Variants in MACROD2 observed in about 807,000 individuals in gnomAD.
The protein encoded by MACROD2 is ADP-ribose glycohydrolase MACROD2.
A neutral mutation model predicts 70.4 loss-of-function variants in MACROD2; 36 were observed. That is an observed-to-expected ratio of 0.51 (90% CI 0.39 to 0.68). The LOEUF (loss-of-function observed/expected upper bound fraction) is 0.68. Among genes scored for constraint, MACROD2 ranks in the 30% least tolerant of loss-of-function variants. The probability of loss-of-function intolerance (pLI) is 0.00; values close to 1 mark genes in which losing one functional copy is unlikely to be tolerated. For missense variants in MACROD2, 496 were observed against 538.4 expected, an observed-to-expected ratio of 0.92 and a Z score of 0.78; for synonymous variants, 172 against 178.8, an observed-to-expected ratio of 0.96 and a Z score of 0.30.
At chr20:15,630,530 C>T (rs891935498) in intron 8 of MACROD2, among the ~76,000 whole-genome samples, 7 of 152,206 alleles carry the variant, frequency 4.6e-5, no homozygotes, top group African/African-American at 1.7e-4. Flanking sequence ...TCTAATATGT[C>T]TTTGTATTCT....
chr20:15,954,442 A>T (rs570875069), intron 12 of MACROD2, among the ~76,000 whole-genome samples: 1 of 152,130 alleles, frequency 6.6e-6, no homozygotes, highest in Non-Finnish European at 1.5e-5. Context: ...TATAACACTC[A>T]CTGCCATCTC....
intron 3 of MACROD2, among the ~76,000 whole-genome samples, chr20:14,396,791 G>A (rs1779319240): frequency 6.6e-6 from 1 of 151,398 alleles, no homozygotes; most frequent in Non-Finnish European, 1.5e-5. Context: ...TGGGCATGGT[G>A]GCGGGTGCCT....
At chr20:16,017,879 C>T (rs78142859) in intron 15 of MACROD2, among the ~76,000 whole-genome samples, 1 of 152,168 alleles carries the variant, frequency 6.6e-6, no homozygotes, top group Non-Finnish European at 1.5e-5. Context: ...CATGACAGCA[C>T]CAGCCACATG....
Position 15,622,449 on chromosome 20 carries a change from C to T in MACROD2, c.645+122602C>T, listed in dbSNP as rs554016479. Among the ~76,000 whole-genome samples the T allele has an allele frequency of 4.6e-5, 7 of 152,234 alleles. No homozygotes were observed. In the South Asian group the frequency reaches 6.2e-4, roughly 14 times the overall value. ...TTTGGAGCCATGGTGAGGTAAAATACGGGTGACTTGAACACAAGCACCATG... is the reference window on the plus strand; with the variant it reads ...TTTGGAGCCATGGTGAGGTAAAATATGGGTGACTTGAACACAAGCACCATG... On this transcript the variant is annotated intron_variant, in intron 8 of 17. Transcript: ENST00000684519.
intron 8 of MACROD2, among the ~76,000 whole-genome samples, chr20:15,635,272 G>A (rs1162630804): frequency 1.3e-5 from 2 of 152,210 alleles, no homozygotes; most frequent in African/African-American, 4.8e-5. Context: ...GACAAATTGA[G>A]GATCAGTGAG....
chr20:14,926,599 T>C (rs1381860077), intron 5 of MACROD2, among the ~76,000 whole-genome samples: 1 of 151,486 alleles, frequency 6.6e-6, no homozygotes, highest in African/African-American at 2.4e-5. Context: ...TTTTAGTATA[T>C]GAACAAGTCA....
intron 3 of MACROD2, among the ~76,000 whole-genome samples, chr20:14,182,876 A>C (rs914224703): frequency 6.6e-6 from 1 of 151,682 alleles, no homozygotes. Context: ...CCTTCTCATC[A>C]TTCACACTGC....
rs539987284 is a variant in MACROD2 at position 15,354,338 on chromosome 20, C to T, written c.541-77067C>T. Among the ~76,000 whole-genome samples the T allele has an allele frequency of 8.7e-3, 1,326 of 151,670 alleles. 9 individuals are homozygous for T. The highest frequency in any genetic ancestry group is 0.014 in the Non-Finnish European group (951 of 67,920). ...ACACAGGAAGGGGAACATCACACAC[C>T]GGGGCCTGTTGTGGGGTGGGGGTAG... On this transcript the variant is annotated intron_variant, in intron 6 of 17. Transcript: ENST00000684519.
intron 5 of MACROD2, among the ~76,000 whole-genome samples, chr20:15,135,145 G>A (rs1371057226): frequency 1.1e-4 from 16 of 151,758 alleles, no homozygotes; most frequent in African/African-American, 3.1e-4. Flanking sequence ...ACAAGGAGGA[G>A]CTGGTACCAT....
intron 8 of MACROD2, among the ~76,000 whole-genome samples, chr20:15,587,430 G>A (rs551367595): frequency 1.3e-5 from 2 of 152,150 alleles, no homozygotes; most frequent in South Asian, 2.1e-4. Flanking sequence ...ATGTCCTCAC[G>A]TTTCAAAACC....
chr20:15,956,170 G>A (rs1207723760), intron 12 of MACROD2, among the ~76,000 whole-genome samples: 4 of 152,144 alleles, frequency 2.6e-5, no homozygotes, highest in African/African-American at 9.7e-5. Context: ...AGATTGATGA[G>A]AATGTGTTGT....
At chr20:14,770,416 C>CA (rs1448560114) in intron 5 of MACROD2, among the ~76,000 whole-genome samples, 1 of 151,806 alleles carries the variant, frequency 6.6e-6, no homozygotes. Context: ...TAAAAATAAA[C>CA]AAAAAATAAA....
intron 6 of MACROD2, among the ~76,000 whole-genome samples, chr20:15,354,594 T>C (rs1336523377): frequency 6.6e-6 from 1 of 152,156 alleles, no homozygotes; most frequent in African/African-American, 2.4e-5. Context: ...GTAAATAAAA[T>C]TATATCTATC....
At chr20:15,940,540 A>G (rs1367673975) in intron 12 of MACROD2, among the ~76,000 whole-genome samples, 1 of 152,210 alleles carries the variant, frequency 6.6e-6, no homozygotes, top group South Asian at 2.1e-4. Flanking sequence ...TACCACAGCT[A>G]CCTCAACCTT....
rs1425337049 is a variant in MACROD2, at chr20:15,364,526, T to C, written c.541-66879T>C. On this transcript the variant is annotated intron_variant, in intron 6 of 17. Transcript: ENST00000684519. ...CATGGTTCTGTTACTCTGGTTCTTATTGACTATCTTTCCATAAACCAGATC... is the reference window on the plus strand; with the variant it reads ...CATGGTTCTGTTACTCTGGTTCTTACTGACTATCTTTCCATAAACCAGATC... Among the ~76,000 whole-genome samples the C allele has an allele frequency of 2.0e-5, 3 of 152,236 alleles. No individual in the cohort carries two copies. The East Asian group carries it at 5.8e-4, about 29-fold the overall frequency.
intron 5 of MACROD2, among the ~76,000 whole-genome samples, chr20:14,865,641 AACTTAATT>A (rs1247774277): frequency 1.3e-5 from 2 of 152,078 alleles, no homozygotes. Context: ...ACTATTTTAA[AACTTAATT>A]ACTACTACTA....
At chr20:15,569,010 A>G (rs2048344173) in intron 8 of MACROD2, among the ~76,000 whole-genome samples, 3 of 152,130 alleles carry the variant, frequency 2.0e-5, no homozygotes, top group Non-Finnish European at 4.4e-5. Flanking sequence ...GGAGACAAAA[A>G]ATCTTACTGA....
intron 5 of MACROD2, among the ~76,000 whole-genome samples, chr20:15,207,942 T>TTATA (rs2076726202): frequency 6.6e-6 from 1 of 152,224 alleles, no homozygotes; most frequent in African/African-American, 2.4e-5. Flanking sequence ...AATCTATAGG[T>TTATA]TATATCATTG....
chr20:15,860,090 G>A (rs149244158), intron 8 of MACROD2, among the ~76,000 whole-genome samples: 234 of 152,138 alleles, frequency 1.5e-3, no homozygotes, highest in African/African-American at 4.7e-3. Context: ...AGCTGAGATC[G>A]CGCCACTGCC....
Sources: allele counts gnomAD v4.1 joint callset (sites outside exome capture counted in the v4.1 genomes callset), GRCh38; gene constraint gnomAD v4.1.1; transcripts MANE v1.5; gene names NCBI Gene and HGNC (gene_info 2026-07-23, HGNC 2026-07-21).